FAT3: variants seen among roughly 807,000 people sequenced by gnomAD.
The protein encoded by FAT3 is protocadherin Fat 3.
Under a neutral mutation model 310.2 loss-of-function variants are expected in FAT3, and 95 were observed. The observed-to-expected ratio is 0.31, with a 90% CI of 0.26 to 0.36. The LOEUF is 0.36. Among genes scored for constraint, FAT3 ranks in the 10% least tolerant of loss-of-function variants. The pLI, the probability that FAT3 is intolerant of heterozygous loss-of-function variation, is 1.00. For synonymous variants in FAT3, 2,314 were observed against 2,192.9 expected (o/e 1.06, Z -1.54); for missense variants, 5,408 against 5,715.6 (o/e 0.95, Z 1.74).
intron 21 of FAT3, among the ~76,000 whole-genome samples, chr11:92,863,858 G>T (rs1260955207): frequency 1.3e-5 from 2 of 152,178 alleles, no homozygotes; most frequent in Non-Finnish European, 2.9e-5. Context: ...AATAGCAAAA[G>T]ATTATTAACT....
chr11:92,762,245 G>A (rs1946170794), intron 5 of FAT3, 75 bp downstream of exon 5: 9 of 1,407,062 alleles, frequency 6.4e-6, no homozygotes, highest in Non-Finnish European at 8.7e-6. Context: ...ATACTCCTTT[G>A]AGCAATAAAT....
intron 3 of FAT3, among the ~76,000 whole-genome samples, chr11:92,604,524 C>T (rs1409432380): frequency 6.6e-6 from 1 of 152,166 alleles, no homozygotes; most frequent in African/African-American, 2.4e-5. Context: ...TGCATGACCA[C>T]ATTACTCTTC....
chr11:92,628,416 T>G (rs1028529315), intron 3 of FAT3, among the ~76,000 whole-genome samples: 1 of 152,222 alleles, frequency 6.6e-6, no homozygotes, highest in Non-Finnish European at 1.5e-5. Context: ...ACTAATATCT[T>G]ACTCCATTCA....
rs1948707778 is a variant in FAT3 at position 92,355,513 on chromosome 11, G to A, written c.3292+109G>A. ...CTAAAATAGAATGACAAATGAGGTT[G>A]CATTTGGTGCAGAGACGACGCACAT... On this transcript the variant is annotated intron_variant, in intron 2 of 27. Coordinates refer to ENST00000525166, the MANE Select transcript of FAT3 (RefSeq NM_001367949.2). The A allele has an allele frequency of 2.7e-6, 3 of 1,102,902 alleles. No individual in the cohort carries two copies. In the South Asian group the frequency reaches 5.0e-5, roughly 18 times the overall value. 68.3% of individuals were successfully genotyped at this position (1,102,902 alleles called of 1,614,324 possible). A position where few individuals can be genotyped will look rare whatever the true frequency, so the allele number is the denominator to read the frequency against.
Position 92,800,018 on chromosome 11 carries a change from T to C in FAT3, c.7005T>C (p.Asp2335=). The C allele has an allele frequency of 6.2e-7, 1 of 1,613,968 alleles. No homozygotes were observed. Among genetic ancestry groups the C allele is most frequent in the South Asian group, 1.1e-5 (1 of 91,084 alleles). ...QIVQDTYNST[D]YFHIDSSSGL... is the part of the protein sequence containing the mutation. Reference sequence around the variant, plus strand: ...TCCAGGATACCTACAATAGCACAGATTATTTTCACATAGATAGCTCAAGTG... The same window carrying C: ...TCCAGGATACCTACAATAGCACAGACTATTTTCACATAGATAGCTCAAGTG... Residue 2335 remains aspartate, a synonymous_variant, in exon 10 of 28, where the codon GAT becomes GAC. Coordinates refer to ENST00000525166, the MANE Select transcript of FAT3 (RefSeq NM_001367949.2).
At chr11:92,280,230 T>C (rs778348995) in intron 1 of FAT3, among the ~76,000 whole-genome samples, 2 of 152,166 alleles carry the variant, frequency 1.3e-5, no homozygotes, top group Non-Finnish European at 2.9e-5. Context: ...CTTTTCCATT[T>C]TATCATACAG....
At chr11:92,425,011 A>G (rs142134008) in intron 2 of FAT3, among the ~76,000 whole-genome samples, 4 of 152,274 alleles carry the variant, frequency 2.6e-5, no homozygotes, top group East Asian at 1.9e-4. Context: ...CTTTCCAATG[A>G]CAATAATCAC....
intron 9 of FAT3, among the ~76,000 whole-genome samples, chr11:92,794,622 A>G (rs1947122260): frequency 6.6e-6 from 1 of 152,238 alleles, no homozygotes; most frequent in Non-Finnish European, 1.5e-5. Flanking sequence ...TACAGACTAC[A>G]GCATGGTGCC....
chr11:92,571,715 C>T (rs986326838), intron 3 of FAT3, among the ~76,000 whole-genome samples: 21 of 152,206 alleles, frequency 1.4e-4, no homozygotes, highest in African/African-American at 4.6e-4. Context: ...GTGTTTCTCT[C>T]TCTGCATCTC....
In FAT3 at chr11:92,799,167, C is replaced by T. The variant is rs1367297951; in HGVS notation, c.6154C>T (p.Leu2052=). The part of the protein sequence containing the change: ...FDREEQELYE[L]VVEASRELDH... ...CCGTGAAGAACAAGAGTTATATGAG[C>T]TGGTGGTAGAAGCCAGCCGTGAGCT... is the stretch of plus-strand genomic sequence containing the variant. The change falls in exon 10 of 28, where the codon CTG becomes TTG. Residue 2052 remains leucine (L), a synonymous_variant. Coordinates refer to ENST00000525166, the MANE Select transcript of FAT3 (RefSeq NM_001367949.2). 3.1e-6 allele frequency: 5 copies of T among 1,613,802 alleles called. No individual in the cohort carries two copies. The highest frequency in any genetic ancestry group is 2.2e-5 in the East Asian group (1 of 44,864).
intron 6 of FAT3, among the ~76,000 whole-genome samples, chr11:92,768,112 TTC>T (rs1280329999): frequency 1.3e-5 from 2 of 152,208 alleles, no homozygotes; most frequent in Non-Finnish European, 1.5e-5. Flanking sequence ...GTTTTCATGT[TTC>T]TTCATTGGTG....
Position 92,800,468 on chromosome 11 carries a change from G to C in FAT3, c.7455G>C (p.Arg2485Ser). Residue 2485 changes from arginine (R) to serine (S), a missense_variant, in exon 10 of 28, where the codon AGG becomes AGC. Around this residue, in one of 5 missense-constraint regions of FAT3, gnomAD observed 4,588 missense variants for 4,809.8 expected, o/e 0.95. Transcript: ENST00000525166. ...CCAGCACTGCACAGGTGCATATTAG[G>C]GTACTTGGGGCTAACTTGTACAGCC... ...LFTSTAQVHI[R>S]VLGANLYSPA... 6.2e-7 allele frequency: 1 copy of C among 1,613,958 alleles called. No individual in the cohort carries two copies. Among genetic ancestry groups the C allele is most frequent in the Non-Finnish European group, 8.5e-7 (1 of 1,179,876 alleles).
chr11:92,246,624 T>A (rs1336742922), intron 1 of FAT3, among the ~76,000 whole-genome samples: 1 of 152,010 alleles, frequency 6.6e-6, no homozygotes, highest in Non-Finnish European at 1.5e-5. Flanking sequence ...TAGACTGACA[T>A]GATTGTGGAA....
chr11:92,632,373 G>A lies in FAT3; in HGVS notation c.3608-65011G>A, dbSNP rs563084883. The stretch of plus-strand genomic sequence containing the variant: ...AATTTCACATCCCCTTGTTTCCCAG[G>A]ATGCTTTCATGAAAGGCACTAATGA... On this transcript the variant is annotated intron_variant, in intron 3 of 27. Coordinates refer to ENST00000525166, the MANE Select transcript of FAT3 (RefSeq NM_001367949.2). Among the ~76,000 whole-genome samples the A allele has an allele frequency of 2.0e-5, 3 of 152,304 alleles. No homozygotes were observed. In the South Asian group the frequency reaches 6.2e-4, roughly 32 times the overall value.
In FAT3 at chr11:92,355,160, G is replaced by A; in HGVS notation, c.3048G>A (p.Gly1016=). 6.2e-7 allele frequency: 1 copy of A among 1,613,794 alleles called. No individual in the cohort carries two copies. The highest frequency in any genetic ancestry group is 8.5e-7 in the Non-Finnish European group (1 of 1,179,822). ...YNLTVRAKDK[G]RPVSLSSVSF... ...TTACTGTGCGGGCCAAAGACAAAGG[G>A]CGGCCTGTCTCTCTGTCATCTGTTT... is the stretch of plus-strand genomic sequence containing the variant. Residue 1016 remains glycine, a synonymous_variant, in exon 2 of 28, where the codon GGG becomes GGA. Transcript: ENST00000525166.
intron 2 of FAT3, among the ~76,000 whole-genome samples, chr11:92,521,333 T>C (rs1953674955): frequency 2.6e-5 from 4 of 152,146 alleles, no homozygotes; most frequent in Admixed American, 2.6e-4. Flanking sequence ...AATTATGTAA[T>C]GGGCAAATCA....
At chr11:92,626,422 A>T (rs1025660973) in intron 3 of FAT3, among the ~76,000 whole-genome samples, 2 of 151,746 alleles carry the variant, frequency 1.3e-5, no homozygotes, top group Non-Finnish European at 2.9e-5. Flanking sequence ...CAGAAAGACT[A>T]TTTTTTTAGA....
chr11:92,810,070 G>A lies in FAT3; in HGVS notation c.9475G>A (p.Asp3159Asn). ...LLTRVQAVDP[D>N]IGINRKVVYS... Reference sequence around the variant, plus strand: ...GACCAGAGTTCAAGCCGTGGACCCCGACATTGGTAAGTCAGTTGCAGGCAT... The same window carrying A: ...GACCAGAGTTCAAGCCGTGGACCCCAACATTGGTAAGTCAGTTGCAGGCAT... Residue 3159 changes from aspartate (D) to asparagine (N), a missense_variant, in exon 13 of 28, where the codon GAC becomes AAC. This residue lies in a region of FAT3 where 4,588 missense variants were observed against 4,809.8 expected (regional missense o/e 0.95). Coordinates refer to ENST00000525166, the MANE Select transcript of FAT3 (RefSeq NM_001367949.2). 1.9e-6 allele frequency: 3 copies of A among 1,613,448 alleles called. No individual in the cohort carries two copies. Among genetic ancestry groups the A allele is most frequent in the Non-Finnish European group, 2.5e-6 (3 of 1,179,672 alleles).
At chr11:92,481,390 A>C (rs967456019) in intron 2 of FAT3, among the ~76,000 whole-genome samples, 1 of 152,126 alleles carries the variant, frequency 6.6e-6, no homozygotes, top group Non-Finnish European at 1.5e-5. Flanking sequence ...AAAAAAAACT[A>C]TTCAGGATAA....
Sources: allele counts gnomAD v4.1 joint callset (sites outside exome capture counted in the v4.1 genomes callset), GRCh38; gene constraint gnomAD v4.1.1; regional missense constraint gnomAD v4.1.1; transcripts MANE v1.5; gene names NCBI Gene and HGNC (gene_info 2026-07-23, HGNC 2026-07-21).